The following RNASEH2B variants were observed in gnomAD, a reference collection of about 807,000 sequenced individuals.
RNASEH2B encodes ribonuclease H2 subunit B.
In RNASEH2B, 36 loss-of-function variants were observed where a neutral mutation model predicts 45.0. That is an observed-to-expected ratio of 0.80 (90% CI 0.61 to 1.06). The LOEUF (loss-of-function observed/expected upper bound fraction) is 1.06, where lower values mean the gene tolerates loss of function less well. Ranked by LOEUF, RNASEH2B falls within the 50% of genes least tolerant of loss-of-function variation. The pLI, the probability that RNASEH2B is intolerant of heterozygous loss-of-function variation, is 0.00. For synonymous variants in RNASEH2B, 119 were observed against 125.7 expected (o/e 0.95, Z 0.35); for missense variants, 361 against 360.3 (o/e 1.00, Z -0.02).
intron 1 of RNASEH2B, among the ~76,000 whole-genome samples, chr13:50,918,183 G>A (rs1879847843): frequency 6.6e-6 from 1 of 152,022 alleles, no homozygotes; most frequent in Non-Finnish European, 1.5e-5. Flanking sequence ...TGTCGCCCAG[G>A]CTGGAGTGCA....
At chr13:50,936,063 C>T (rs959255532) in intron 5 of RNASEH2B, 2 of 152,194 alleles carry the variant, frequency 1.3e-5, no homozygotes, top group Non-Finnish European at 2.9e-5. Flanking sequence ...TTGTGCCTGA[C>T]CCAAAGGATG....
chr13:50,920,609 A>G (rs1191009022), intron 1 of RNASEH2B, among the ~76,000 whole-genome samples: 1 of 152,212 alleles, frequency 6.6e-6, no homozygotes. Context: ...TTTAGCCAGC[A>G]TGACTTATGT....
rs1304421371 is a variant in RNASEH2B at position 50,910,160 on chromosome 13, C to T, written c.64+20C>T. 1.4e-6 allele frequency: 2 copies of T among 1,385,504 alleles called. No homozygotes were observed. The highest frequency in any genetic ancestry group is 1.9e-6 in the Non-Finnish European group (2 of 1,067,586). 85.8% of individuals were successfully genotyped at this position (1,385,504 alleles called of 1,614,324 possible). On this transcript the variant is annotated intron_variant, in intron 1 of 10. Coordinates refer to ENST00000336617, the MANE Select transcript of RNASEH2B (RefSeq NM_024570.4). Reference sequence around the variant, plus strand: ...TTTCAGGTAAACACGCGCGCCCGGGCGGCGGGGTCGGCCCAAGAACTGGCG... The same window carrying T: ...TTTCAGGTAAACACGCGCGCCCGGGTGGCGGGGTCGGCCCAAGAACTGGCG...
intron 1 of RNASEH2B, among the ~76,000 whole-genome samples, chr13:50,919,075 C>T (rs1018914308): frequency 6.6e-6 from 1 of 152,148 alleles, no homozygotes; most frequent in Non-Finnish European, 1.5e-5. Context: ...GGCTCAGGAA[C>T]AAGTGTCCAT....
At chr13:50,949,138 G>A in intron 8 of RNASEH2B, 1 of 251,698 alleles carries the variant, frequency 4.0e-6, no homozygotes, top group South Asian at 7.3e-5. Context: ...ATATATGTTA[G>A]CATCTTCACT....
chr13:50,937,544 T>C (rs1187488120), intron 5 of RNASEH2B: 1 of 152,046 alleles, frequency 6.6e-6, no homozygotes, highest in Non-Finnish European at 1.5e-5. Flanking sequence ...GATTTTTAAA[T>C]GGGGGGAAAA....
At chr13:50,969,522 CAAA>C (rs3042194) in intron 9 of RNASEH2B, among the ~76,000 whole-genome samples, 7 of 100,558 alleles carry the variant, frequency 7.0e-5, no homozygotes, top group Admixed American at 3.0e-4. Context: ...ACTGCCTCTA[CAAA>C]AAAAAAAAAA....
intron 1 of RNASEH2B, among the ~76,000 whole-genome samples, chr13:50,920,767 C>CTTTT (rs1951514021): frequency 6.6e-6 from 1 of 152,156 alleles, no homozygotes; most frequent in Admixed American, 6.5e-5. Context: ...AGTATCAAAA[C>CTTTT]TTGCTTTTAT....
chr13:50,948,225 G>A, intron 8 of RNASEH2B, 157 bp downstream of exon 8: 1 of 1,192,186 alleles, frequency 8.4e-7, no homozygotes. Context: ...GATTTTTAAT[G>A]GATGATTGGA....
chr13:50,914,881 A>G (rs1355681940), intron 1 of RNASEH2B, among the ~76,000 whole-genome samples: 1 of 152,214 alleles, frequency 6.6e-6, no homozygotes, highest in Non-Finnish European at 1.5e-5. Context: ...ATTCTCCCAC[A>G]TCCTCTGAGA....
At chr13:50,930,310 G>A (rs1951660841) in intron 3 of RNASEH2B, among the ~76,000 whole-genome samples, 1 of 152,220 alleles carries the variant, frequency 6.6e-6, no homozygotes, top group East Asian at 1.9e-4. Context: ...TAGATAGACT[G>A]ACGATACAGG....
intron 10 of RNASEH2B, chr13:50,956,141 G>T: frequency 2.1e-6 from 1 of 485,832 alleles, no homozygotes; most frequent in Non-Finnish European, 3.8e-6. Context: ...TTCTTAGAAG[G>T]CAGCAGTTTT....
At chr13:50,945,389 G>A (rs1042791990) in intron 6 of RNASEH2B, 38 bp from the exon 7 acceptor site, 6 of 1,434,654 alleles carry the variant, frequency 4.2e-6, no homozygotes, top group Non-Finnish European at 4.9e-6. Flanking sequence ...AAGTTAAGTT[G>A]AAAATACCCT....
At chr13:50,945,772 G>T (rs950335600) in intron 7 of RNASEH2B, among the ~76,000 whole-genome samples, 11 of 152,136 alleles carry the variant, frequency 7.2e-5, no homozygotes, top group African/African-American at 2.7e-4. Context: ...CTTTTACATT[G>T]ATAGTAGTAA....
chr13:50,930,806 T>A, intron 4 of RNASEH2B, 47 bp downstream of exon 4: 1 of 1,411,624 alleles, frequency 7.1e-7, no homozygotes, highest in Non-Finnish European at 1.0e-6. Context: ...CAGAATCAAC[T>A]ATTTTTGTTT....
chr13:50,913,792 T>C (rs1171346441), intron 1 of RNASEH2B, among the ~76,000 whole-genome samples: 1 of 152,236 alleles, frequency 6.6e-6, no homozygotes, highest in Non-Finnish European at 1.5e-5. Flanking sequence ...AGAATCCCTG[T>C]CTACCTTAGA....
chr13:50,947,091 G>GA (rs767347120), intron 7 of RNASEH2B, among the ~76,000 whole-genome samples: 6 of 152,098 alleles, frequency 3.9e-5, no homozygotes, highest in Non-Finnish European at 8.8e-5. Context: ...GAGGAGAATG[G>GA]AAAAAAGGAA....
intron 1 of RNASEH2B, 165 bp downstream of exon 1, chr13:50,910,305 C>T (rs1044215374): frequency 2.2e-6 from 1 of 463,708 alleles, no homozygotes. Context: ...CACGTCATAG[C>T]AAGCCGCGGT....
chr13:50,935,271 T>G, intron 5 of RNASEH2B: 1 of 453,950 alleles, frequency 2.2e-6, no homozygotes, highest in South Asian at 2.6e-5. Context: ...GAACTAGTTC[T>G]GTGACATCAG....
Sources: allele counts gnomAD v4.1 joint callset (sites outside exome capture counted in the v4.1 genomes callset), GRCh38; gene constraint gnomAD v4.1.1; transcripts MANE v1.5; gene names NCBI Gene and HGNC (gene_info 2026-07-23, HGNC 2026-07-21).